Variants in GJC1 observed in about 807,000 individuals in gnomAD.
GJC1 encodes gap junction protein gamma 1.
A neutral mutation model predicts 29.3 loss-of-function variants in GJC1; 5 were observed. That is an observed-to-expected ratio of 0.17 (90% CI 0.09 to 0.36). The LOEUF (loss-of-function observed/expected upper bound fraction) is 0.36. GJC1 is among the 10% of genes least tolerant of loss of function. GJC1 has a pLI of 1.00. For missense variants in GJC1, 310 were observed against 496.2 expected, an observed-to-expected ratio of 0.62 and a Z score of 3.56; for synonymous variants, 177 against 183.3, an observed-to-expected ratio of 0.97 and a Z score of 0.28.
intron 1 of GJC1, among the ~76,000 whole-genome samples, chr17:44,825,785 A>C (rs1291270760): frequency 1.3e-5 from 2 of 152,046 alleles, no homozygotes; most frequent in Non-Finnish European, 2.9e-5. Flanking sequence ...AAAAGAAAAA[A>C]AAAAAAAAAG....
At chr17:44,818,395 T>C (rs1409571493) in intron 1 of GJC1, among the ~76,000 whole-genome samples, 4 of 152,042 alleles carry the variant, frequency 2.6e-5, no homozygotes, top group African/African-American at 9.7e-5. Context: ...GATTTATTTA[T>C]TTAAGGAGGA....
intron 1 of GJC1, among the ~76,000 whole-genome samples, chr17:44,821,677 A>C (rs1458609895): frequency 1.5e-5 from 2 of 135,064 alleles, no homozygotes; most frequent in Admixed American, 1.7e-4. Flanking sequence ...AGCCTGGGCA[A>C]CAAGAGGGAA....
rs1026363994 is a variant in GJC1, at chr17:44,800,860, C to G, written c.*3767G>C. On this transcript the variant is annotated 3_prime_UTR_variant, in exon 3 of 3. Transcript: ENST00000592524. ...GTACATGGCTCCTGAAACTTGAAAA[C>G]AAAGCCACAAAATGAACATTAACAT... The G allele has an allele frequency of 2.0e-5, 3 of 147,070 alleles. No individual in the cohort carries two copies. Among genetic ancestry groups the G allele is most frequent in the African/African-American group, 7.6e-5 (3 of 39,604 alleles). 9.1% of individuals were successfully genotyped at this position (147,070 alleles called of 1,614,324 possible).
chr17:44,795,633 A>C (rs564846521), downstream of GJC1, among the ~76,000 whole-genome samples: 1 of 152,340 alleles, frequency 6.6e-6, no homozygotes, highest in South Asian at 2.1e-4. Context: ...CCTGCTGCTC[A>C]AACCTCAAAC....
chr17:44,808,544 A>G (rs2049938512), intron 1 of GJC1, among the ~76,000 whole-genome samples: 1 of 152,080 alleles, frequency 6.6e-6, no homozygotes, highest in Non-Finnish European at 1.5e-5. Context: ...TGAGTTCAGG[A>G]GTTTGAGACC....
intron 1 of GJC1, chr17:44,829,738 G>T (rs1047095742): frequency 2.0e-5 from 3 of 152,008 alleles, no homozygotes; most frequent in Non-Finnish European, 2.9e-5. Context: ...TTCTGTCCGG[G>T]CTCCCCGACC....
chr17:44,820,868 C>T (rs962474919), intron 1 of GJC1, among the ~76,000 whole-genome samples: 1 of 152,116 alleles, frequency 6.6e-6, no homozygotes, highest in Non-Finnish European at 1.5e-5. Flanking sequence ...ATAACTAGCT[C>T]GTGACAATTT....
downstream of GJC1, among the ~76,000 whole-genome samples, chr17:44,798,142 G>A (rs2049796472): frequency 1.3e-5 from 2 of 152,236 alleles, no homozygotes; most frequent in African/African-American, 2.4e-5. Context: ...CCCAGATTGC[G>A]ACGCCACGAA....
intron 1 of GJC1, among the ~76,000 whole-genome samples, chr17:44,825,571 T>A (rs1337736512): frequency 6.6e-6 from 1 of 151,790 alleles, no homozygotes; most frequent in African/African-American, 2.4e-5. Flanking sequence ...GGTCAGGAGT[T>A]CGAGACCAGC....
At chr17:44,824,616 A>G (rs2050148745) in intron 1 of GJC1, among the ~76,000 whole-genome samples, 1 of 151,982 alleles carries the variant, frequency 6.6e-6, no homozygotes, top group African/African-American at 2.4e-5. Context: ...TGACACAGTG[A>G]GGCTCTGTCT....
chr17:44,812,933 C>T (rs920386958), intron 1 of GJC1: 11 of 152,196 alleles, frequency 7.2e-5, no homozygotes, highest in African/African-American at 2.7e-4. Flanking sequence ...AGACGTGAGC[C>T]ACCACGCCCG....
chr17:44,808,475 T>A (rs964155555), intron 1 of GJC1, among the ~76,000 whole-genome samples: 3 of 147,948 alleles, frequency 2.0e-5, no homozygotes, highest in Non-Finnish European at 4.5e-5. Flanking sequence ...CCCAGCACAG[T>A]GGCTCTGGCT....
rs2049924806 is a variant in GJC1 at position 44,807,465 on chromosome 17, T to A, written c.-92A>T. ...TGTTTTGATTGCAATTTTTCCAGAT[T>A]CCCTCTGGAAGGGAAAAAGAAAAGA... On this transcript the variant is annotated 5_prime_UTR_variant, in exon 2 of 3. Coordinates refer to ENST00000592524, the MANE Select transcript of GJC1 (RefSeq NM_005497.4). 1 of 138,238 alleles carries A rather than the reference T, an allele frequency of 7.2e-6. No homozygotes were observed. The highest frequency in any genetic ancestry group is 2.5e-5 in the African/African-American group (1 of 39,346). The allele number at this position is 138,238 out of a possible 1,614,324, so 8.6% of individuals were successfully genotyped here.
intron 1 of GJC1, among the ~76,000 whole-genome samples, chr17:44,827,660 C>T (rs889450251): frequency 3.3e-5 from 5 of 151,748 alleles, no homozygotes; most frequent in African/African-American, 9.7e-5. Context: ...TGGCCGGGCA[C>T]GGTGGCTCAC....
chr17:44,795,883 C>T (rs1020452269), downstream of GJC1, among the ~76,000 whole-genome samples: 1 of 152,214 alleles, frequency 6.6e-6, no homozygotes, highest in African/African-American at 2.4e-5. Flanking sequence ...CTGGAAGAAT[C>T]GGATCGCACG....
intron 1 of GJC1, among the ~76,000 whole-genome samples, chr17:44,819,534 T>G (rs1412172860): frequency 6.6e-6 from 1 of 151,872 alleles, no homozygotes; most frequent in Non-Finnish European, 1.5e-5. Flanking sequence ...GGCAGGCGCC[T>G]GTAGTCCCAG....
Position 44,804,957 on chromosome 17 carries a change from G to A in GJC1, c.861C>T (p.Pro287=). The change falls in exon 3 of 3, where the codon CCC becomes CCT. Residue 287 remains proline (P), a synonymous_variant. Coordinates refer to ENST00000592524, the MANE Select transcript of GJC1 (RefSeq NM_005497.4). ...YPFTWNTPSA[P]PGYNIAVKPD... ...GTTTGACAGCAATGTTATAGCCAGG[G>A]GGAGCAGATGGTGTATTCCAAGTGA... The A allele has an allele frequency of 6.2e-7, 1 of 1,614,052 alleles. No individual in the cohort carries two copies. Among genetic ancestry groups the A allele is most frequent in the Non-Finnish European group, 8.5e-7 (1 of 1,179,962 alleles).
At chr17:44,808,338 T>C (rs2049934455) in intron 1 of GJC1, among the ~76,000 whole-genome samples, 1 of 151,428 alleles carries the variant, frequency 6.6e-6, no homozygotes, top group African/African-American at 2.4e-5. Flanking sequence ...TGAGACCCTA[T>C]CTTTCCAAAT....
At chr17:44,794,993 C>T (rs730818), downstream of GJC1, 50,406 of 151,986 alleles carry the variant, frequency 0.33, 9,108 homozygotes, top group East Asian at 0.5. Context: ...ATCCAGGGGG[C>T]GGGAGAAAAA....
Sources: allele counts gnomAD v4.1 joint callset (sites outside exome capture counted in the v4.1 genomes callset), GRCh38; gene constraint gnomAD v4.1.1; transcripts MANE v1.5; gene names NCBI Gene and HGNC (gene_info 2026-07-23, HGNC 2026-07-21).